The following GRIA1 variants were observed in gnomAD, a reference collection of about 807,000 sequenced individuals.
GRIA1 encodes the protein glutamate ionotropic receptor AMPA type subunit 1.
A neutral mutation model predicts 99.2 loss-of-function variants in GRIA1; 31 were observed. That is an observed-to-expected ratio of 0.31 (90% confidence interval 0.23 to 0.42). GRIA1 has a LOEUF of 0.42. Ranked by LOEUF, GRIA1 falls within the 10% of genes least tolerant of loss-of-function variation. The pLI is 1.00. For missense variants in GRIA1, 782 were observed against 1,157.5 expected (o/e 0.68, Z 4.71); for synonymous variants, 438 against 432.4 (o/e 1.01, Z -0.16).
At chr5:153,789,318 C>CATATATATATATATAT (rs70978507) in intron 13 of GRIA1, among the ~76,000 whole-genome samples, 23 of 147,534 alleles carry the variant, frequency 1.6e-4, no homozygotes, top group African/African-American at 5.7e-4. Flanking sequence ...TTTGATATTA[C>CATATATATATATATAT]ATATATATAT....
At chr5:153,489,987 T>G (rs373338085), upstream of GRIA1, 12 of 360,376 alleles carry the variant, frequency 3.3e-5, no homozygotes, top group East Asian at 6.3e-4. Flanking sequence ...ACAGGGACTG[T>G]CAAATACCTG....
At chr5:153,509,377 C>T (rs977303309) in intron 2 of GRIA1, among the ~76,000 whole-genome samples, 2 of 152,144 alleles carry the variant, frequency 1.3e-5, no homozygotes, top group Non-Finnish European at 2.9e-5. Context: ...CAGATGCTAC[C>T]ACAGCCCTGT....
At chr5:153,572,314 C>T (rs1762179174) in intron 2 of GRIA1, among the ~76,000 whole-genome samples, 1 of 152,084 alleles carries the variant, frequency 6.6e-6, no homozygotes, top group African/African-American at 2.4e-5. Context: ...TTAGGACCTG[C>T]TCATATGAGA....
At chr5:153,621,126 T>TG (rs1399896335) in intron 2 of GRIA1, among the ~76,000 whole-genome samples, 1 of 152,230 alleles carries the variant, frequency 6.6e-6, no homozygotes, top group Non-Finnish European at 1.5e-5. Flanking sequence ...ATGTAAATTG[T>TG]ATTATATACT....
At chr5:153,663,490 C>T (rs1164485167) in intron 5 of GRIA1, among the ~76,000 whole-genome samples, 1 of 152,178 alleles carries the variant, frequency 6.6e-6, no homozygotes, top group East Asian at 1.9e-4. Flanking sequence ...CATTGCAAGT[C>T]ACTTCTCCTG....
chr5:153,548,495 G>A (rs1759813089), intron 2 of GRIA1, among the ~76,000 whole-genome samples: 1 of 152,058 alleles, frequency 6.6e-6, no homozygotes, highest in Admixed American at 6.5e-5. Flanking sequence ...GTAGTTAGGG[G>A]CATATTTGGG....
At chr5:153,526,522 TC>T (rs1757616399) in intron 2 of GRIA1, among the ~76,000 whole-genome samples, 1 of 152,180 alleles carries the variant, frequency 6.6e-6, no homozygotes, top group Admixed American at 6.5e-5. Flanking sequence ...CCTGTATCAG[TC>T]CCAGAAATGT....
chr5:153,743,997 G>A (rs1761986684), intron 11 of GRIA1, among the ~76,000 whole-genome samples: 2 of 152,124 alleles, frequency 1.3e-5, no homozygotes, highest in South Asian at 4.2e-4. Flanking sequence ...GCTAGGAAGG[G>A]CTGCTTCTCC....
intron 2 of GRIA1, among the ~76,000 whole-genome samples, chr5:153,516,079 A>G (rs1323563354): frequency 6.6e-6 from 1 of 151,844 alleles, no homozygotes; most frequent in Non-Finnish European, 1.5e-5. Context: ...AATCAGCCTG[A>G]CGTGGTGGCG....
chr5:153,602,068 G>A (rs1765017707), intron 2 of GRIA1, among the ~76,000 whole-genome samples: 1 of 152,146 alleles, frequency 6.6e-6, no homozygotes, highest in African/African-American at 2.4e-5. Context: ...CTGCTATAAA[G>A]ACACATGCAC....
At chr5:153,579,909 A>C (rs1003925874) in intron 2 of GRIA1, among the ~76,000 whole-genome samples, 7 of 151,296 alleles carry the variant, frequency 4.6e-5, no homozygotes, top group African/African-American at 1.2e-4. Context: ...AAAAAAAAAA[A>C]CAGGATCCTG....
chr5:153,767,330 C>T (rs763766345), intron 12 of GRIA1, among the ~76,000 whole-genome samples: 4 of 152,254 alleles, frequency 2.6e-5, no homozygotes, highest in Non-Finnish European at 4.4e-5. Flanking sequence ...ACTTGCCCAA[C>T]GTCTTTCAGC....
chr5:153,727,217 G>A (rs1018506934), intron 11 of GRIA1, among the ~76,000 whole-genome samples: 1 of 152,114 alleles, frequency 6.6e-6, no homozygotes, highest in South Asian at 2.1e-4. Context: ...AATAAATTAG[G>A]TATTGATGGG....
At chr5:153,800,772 G>A (rs1029018084) in intron 14 of GRIA1, among the ~76,000 whole-genome samples, 4 of 152,216 alleles carry the variant, frequency 2.6e-5, no homozygotes, top group Non-Finnish European at 5.9e-5. Context: ...TAGGGCAGAG[G>A]CCACTGACTT....
chr5:153,668,423 C>T (rs999997720), intron 5 of GRIA1, among the ~76,000 whole-genome samples: 3 of 152,018 alleles, frequency 2.0e-5, no homozygotes, highest in Non-Finnish European at 4.4e-5. Flanking sequence ...GGAAAAAAAT[C>T]AAAAGAATGA....
intron 2 of GRIA1, among the ~76,000 whole-genome samples, chr5:153,562,546 C>G (rs1761221565): frequency 6.6e-6 from 1 of 152,174 alleles, no homozygotes; most frequent in African/African-American, 2.4e-5. Flanking sequence ...ATTGGAAATT[C>G]ATGCATGTCT....
At chr5:153,569,203 T>TA (rs1181223374) in intron 2 of GRIA1, among the ~76,000 whole-genome samples, 3 of 152,232 alleles carry the variant, frequency 2.0e-5, no homozygotes, top group African/African-American at 7.2e-5. Context: ...ATGTAGTAGG[T>TA]AATCAGTAAA....
intron 8 of GRIA1, among the ~76,000 whole-genome samples, chr5:153,689,128 A>G (rs567485371): frequency 2.0e-5 from 3 of 151,740 alleles, no homozygotes; most frequent in African/African-American, 7.3e-5. Context: ...TCCTGGGCTC[A>G]AGTGATCCAC....
chr5:153,539,661 T>A (rs1581197939), intron 2 of GRIA1, among the ~76,000 whole-genome samples: 1 of 152,360 alleles, frequency 6.6e-6, no homozygotes, highest in East Asian at 1.9e-4. Context: ...ACGGGCAAGC[T>A]GCACCTGAAT....
Sources: allele counts gnomAD v4.1 joint callset (sites outside exome capture counted in the v4.1 genomes callset), GRCh38; gene constraint gnomAD v4.1.1; transcripts MANE v1.5; gene names NCBI Gene and HGNC (gene_info 2026-07-23, HGNC 2026-07-21).